The following ERC2 variants were observed in gnomAD, a reference collection of about 807,000 sequenced individuals.
ERC2 encodes the protein ERC protein 2.
In ERC2, 42 loss-of-function variants were observed where a neutral mutation model predicts 114.8. The ratio of observed to expected loss-of-function variants is 0.37; its 90% CI spans 0.29 to 0.47. ERC2 has a LOEUF of 0.47. Among genes scored for constraint, ERC2 ranks in the 20% least tolerant of loss-of-function variants. The pLI is 0.99. For missense variants in ERC2, 939 were observed against 1,150.7 expected, an observed-to-expected ratio of 0.82 and a Z score of 2.66; for synonymous variants, 454 against 425.5, an observed-to-expected ratio of 1.07 and a Z score of -0.82.
At chr3:55,837,519 C>T (rs555381400) in intron 14 of ERC2, among the ~76,000 whole-genome samples, 2 of 149,378 alleles carry the variant, frequency 1.3e-5, no homozygotes, top group East Asian at 2.0e-4. Context: ...AAACCAAATA[C>T]CACATGTTCT....
intron 14 of ERC2, among the ~76,000 whole-genome samples, chr3:55,841,023 A>G (rs983266279): frequency 6.6e-6 from 1 of 152,148 alleles, no homozygotes; most frequent in African/African-American, 2.4e-5. Context: ...GTAGTAATGG[A>G]TATGTTCATT....
chr3:55,583,438 CCTT>C (rs1185196547), intron 17 of ERC2, among the ~76,000 whole-genome samples: 6 of 124,882 alleles, frequency 4.8e-5, no homozygotes, highest in African/African-American at 9.5e-5. Context: ...TTCCTTCCTT[CCTT>C]CCTCCCTCCC....
At chr3:55,719,207 C>T (rs958539460) in intron 15 of ERC2, among the ~76,000 whole-genome samples, 3 of 152,114 alleles carry the variant, frequency 2.0e-5, no homozygotes, top group East Asian at 1.9e-4. Context: ...TCATTCCAGC[C>T]GTGACATAGG....
At chr3:55,610,060 C>CAAAAAAAAAAAAAAA (rs1172154104) in intron 17 of ERC2, among the ~76,000 whole-genome samples, 1 of 50,432 alleles carries the variant, frequency 2.0e-5, no homozygotes, top group Non-Finnish European at 3.8e-5. Context: ...CAAACAAACA[C>CAAAAAAAAAAAAAAA]AAACAAAAAA....
intron 13 of ERC2, among the ~76,000 whole-genome samples, chr3:55,940,386 C>T (rs554002656): frequency 6.6e-6 from 1 of 152,178 alleles, no homozygotes; most frequent in African/African-American, 2.4e-5. Context: ...CTCACCCACT[C>T]AGAAGCTCAG....
intron 14 of ERC2, among the ~76,000 whole-genome samples, chr3:55,839,834 C>G (rs569850476): frequency 8.6e-5 from 13 of 151,666 alleles, no homozygotes; most frequent in African/African-American, 3.1e-4. Flanking sequence ...TAAATCTGGC[C>G]ATAACAAGGA....
At position 55,616,615 on chromosome 3, in the gene ERC2, G is replaced by A. The variant is rs1029733574; in HGVS notation, c.*39+67179C>T. 1.8e-4 allele frequency among the ~76,000 whole-genome samples: 26 copies of A among 147,040 alleles called. No individual in the cohort carries two copies. The Admixed American group carries it at 1.8e-3, about 10-fold the overall frequency. On this transcript the variant is annotated intron_variant, in intron 17 of 17. Transcript: ENST00000288221. ...AATAAAGCACATTTTAATCGTAAAA[G>A]CTACCAGTTATTGTGCTTTTTTTTT...
At chr3:56,172,174 A>T (rs941593567) in intron 4 of ERC2, among the ~76,000 whole-genome samples, 2 of 152,072 alleles carry the variant, frequency 1.3e-5, no homozygotes, top group East Asian at 1.9e-4. Flanking sequence ...AAATTATATA[A>T]GTTTAAAACA....
chr3:55,536,350 C>T (rs183860658), intron 17 of ERC2, among the ~76,000 whole-genome samples: 10 of 152,260 alleles, frequency 6.6e-5, no homozygotes, highest in East Asian at 3.9e-4. Context: ...TCCAAGGCCC[C>T]GTACCTCCCC....
chr3:56,110,355 A>T (rs1519035), intron 6 of ERC2, among the ~76,000 whole-genome samples: 141,418 of 152,218 alleles, frequency 0.93, 65,883 homozygotes, highest in East Asian at 1. Flanking sequence ...TGCAATACTA[A>T]CTATACAAGT....
intron 14 of ERC2, among the ~76,000 whole-genome samples, chr3:55,736,396 C>T (rs948563248): frequency 3.9e-5 from 6 of 152,196 alleles, no homozygotes; most frequent in Non-Finnish European, 7.3e-5. Flanking sequence ...CTTTGCCTTT[C>T]TATGCTTTTG....
chr3:56,411,673 C>T (rs990308890), intron 2 of ERC2, among the ~76,000 whole-genome samples: 1 of 152,124 alleles, frequency 6.6e-6, no homozygotes, highest in Admixed American at 6.5e-5. Flanking sequence ...CACCTTATGA[C>T]ACTACTCTTT....
chr3:56,036,156 T>C (rs2074786594), intron 7 of ERC2, among the ~76,000 whole-genome samples: 1 of 152,162 alleles, frequency 6.6e-6, no homozygotes, highest in South Asian at 2.1e-4. Context: ...TCAAAATTTA[T>C]CCTTTCATGA....
At chr3:55,846,687 CTCTCTT>C (rs1358643937) in intron 14 of ERC2, among the ~76,000 whole-genome samples, 1 of 126,658 alleles carries the variant, frequency 7.9e-6, no homozygotes, top group African/African-American at 3.4e-5. Flanking sequence ...CTCTCTCTCT[CTCTCTT>C]TCTCTCTCTC....
chr3:56,340,507 T>C (rs959735007), intron 2 of ERC2, among the ~76,000 whole-genome samples: 1 of 148,722 alleles, frequency 6.7e-6, no homozygotes. Context: ...TGAGGGTGTG[T>C]GTGTGTTTGT....
At chr3:55,802,641 C>T (rs1217340024) in intron 14 of ERC2, among the ~76,000 whole-genome samples, 1 of 152,206 alleles carries the variant, frequency 6.6e-6, no homozygotes, top group East Asian at 1.9e-4. Context: ...GAATTTTAAA[C>T]TCCTGTCCTA....
At chr3:55,817,785 C>T (rs928242925) in intron 14 of ERC2, among the ~76,000 whole-genome samples, 12 of 152,196 alleles carry the variant, frequency 7.9e-5, no homozygotes, top group South Asian at 2.1e-4. Flanking sequence ...AATGAAATAA[C>T]GCACGTAAAG....
chr3:55,682,978 G>A (rs1313899595), intron 17 of ERC2, among the ~76,000 whole-genome samples: 1 of 152,180 alleles, frequency 6.6e-6, no homozygotes, highest in Non-Finnish European at 1.5e-5. Flanking sequence ...TCATAACCAT[G>A]TGGTAATTAC....
chr3:56,405,428 A>T (rs542319935), intron 2 of ERC2, among the ~76,000 whole-genome samples: 3 of 152,168 alleles, frequency 2.0e-5, no homozygotes, highest in Admixed American at 2.0e-4. Flanking sequence ...ATCCATCTCA[A>T]AAAAGGAAAA....
Sources: allele counts gnomAD v4.1 joint callset (sites outside exome capture counted in the v4.1 genomes callset), GRCh38; gene constraint gnomAD v4.1.1; transcripts MANE v1.5; gene names NCBI Gene and HGNC (gene_info 2026-07-23, HGNC 2026-07-21).